Variants in CDKN1A observed in about 807,000 individuals in gnomAD.
CDKN1A encodes cyclin dependent kinase inhibitor 1A.
A neutral mutation model predicts 14.8 loss-of-function variants in CDKN1A; 14 were observed. The observed-to-expected ratio is 0.94, with a 90% CI of 0.62 to 1.48. CDKN1A has a LOEUF of 1.48. Ranked by LOEUF, CDKN1A falls within the 40% of genes most tolerant of loss-of-function variation. The probability of loss-of-function intolerance (pLI) is 0.00; values close to 1 mark genes in which losing one functional copy is unlikely to be tolerated. For synonymous variants in CDKN1A, 92 were observed against 93.5 expected (o/e 0.98, Z 0.09); for missense variants, 203 against 231.7 (o/e 0.88, Z 0.80).
chr6:36,683,383 G>A (rs1276213304), intron 1 of CDKN1A, among the ~76,000 whole-genome samples: 1 of 152,186 alleles, frequency 6.6e-6, no homozygotes. Context: ...GCTCTGTTCT[G>A]TCTGCCTTGC....
upstream of CDKN1A, chr6:36,677,515 A>C (rs1761734760): frequency 9.6e-6 from 2 of 208,746 alleles, no homozygotes; most frequent in Admixed American, 5.8e-5. Flanking sequence ...AAGGAGGCAA[A>C]GGTGAAGTCC....
chr6:36,678,646 T>A, upstream of CDKN1A: 1 of 984,066 alleles, frequency 1.0e-6, no homozygotes, highest in Non-Finnish European at 1.2e-6. This position sits in a 1 kb window ranked among gnomAD's most constrained non-coding sequence, Gnocchi z 5.7. Flanking sequence ...CGAGCGCGGG[T>A]CCCGCCTCCT....
intron 1 of CDKN1A, among the ~76,000 whole-genome samples, chr6:36,682,950 C>A (rs896117411): frequency 6.6e-6 from 1 of 152,230 alleles, no homozygotes; most frequent in African/African-American, 2.4e-5. Flanking sequence ...GAGAAATCAT[C>A]CCTTGCGCTG....
chr6:36,680,064 T>C (rs1761862500), intron 1 of CDKN1A, among the ~76,000 whole-genome samples: 1 of 152,134 alleles, frequency 6.6e-6, no homozygotes, highest in Non-Finnish European at 1.5e-5. Flanking sequence ...TGGGGGACAC[T>C]TGCGCCCTCT....
chr6:36,683,981 T>C, intron 1 of CDKN1A, 116 bp from the exon 2 acceptor site: 3 of 1,005,066 alleles, frequency 3.0e-6, no homozygotes, highest in Non-Finnish European at 4.5e-6. Context: ...CTGGAAGGAG[T>C]GAGAGAGACC....
chr6:36,686,297 G>A lies in CDKN1A; in HGVS notation c.*497G>A. The A allele has an allele frequency of 3.4e-6, 1 of 294,402 alleles. No individual in the cohort carries two copies. The highest frequency in any genetic ancestry group is 5.2e-5 in the East Asian group (1 of 19,298). 18.2% of individuals were successfully genotyped at this position (294,402 alleles called of 1,614,324 possible). ...TTTGAAGGGGCCTCACCGAGTGGGGGCATCATCAAAAACTTTGGAGTCCCC... is the reference window on the plus strand; with the variant it reads ...TTTGAAGGGGCCTCACCGAGTGGGGACATCATCAAAAACTTTGGAGTCCCC... On this transcript the variant is annotated 3_prime_UTR_variant, in exon 3 of 3. Coordinates refer to ENST00000244741, the MANE Select transcript of CDKN1A (RefSeq NM_000389.5). This position sits in a 1 kb window ranked among gnomAD's most constrained non-coding sequence, Gnocchi z 4.9.
chr6:36,683,207 C>T (rs1369879938), intron 1 of CDKN1A, among the ~76,000 whole-genome samples: 1 of 152,212 alleles, frequency 6.6e-6, no homozygotes, highest in Non-Finnish European at 1.5e-5. Flanking sequence ...CATGTCTATC[C>T]TCTGAGACAG....
rs4986867 is a variant in CDKN1A at position 36,684,290 on chromosome 6, C to A, written c.189C>A (p.Phe63Leu). 2.5e-4 allele frequency: 396 copies of A among 1,613,134 alleles called. 3 individuals carry two copies. The African/African-American group carries it at 4.6e-3, about 19-fold the overall frequency. Reference protein sequence around the residue: ...FVTETPLEGDFAWERVRGLGL... With the variant: ...FVTETPLEGDLAWERVRGLGL... ...CCGAGACACCACTGGAGGGTGACTTCGCCTGGGAGCGTGTGCGGGGCCTTG... is the reference window on the plus strand; with the variant it reads ...CCGAGACACCACTGGAGGGTGACTTAGCCTGGGAGCGTGTGCGGGGCCTTG... Residue 63 changes from phenylalanine (F) to leucine (L), a missense_variant, in exon 2 of 3, where the codon TTC (phenylalanine) becomes TTA (leucine). Coordinates refer to ENST00000244741, the MANE Select transcript of CDKN1A (RefSeq NM_000389.5). This position sits in a 1 kb window ranked among gnomAD's most constrained non-coding sequence, Gnocchi z 6.0.
chr6:36,683,698 C>T (rs542059973), intron 1 of CDKN1A, among the ~76,000 whole-genome samples: 3 of 152,032 alleles, frequency 2.0e-5, no homozygotes, highest in African/African-American at 4.8e-5. Flanking sequence ...GCCAGGGCTG[C>T]GATTAGGAAA....
chr6:36,677,811 A>T (rs762624), upstream of CDKN1A: 36 of 1,225,026 alleles, frequency 2.9e-5, no homozygotes, highest in Non-Finnish European at 3.5e-5. Flanking sequence ...TCTGAGCCCC[A>T]GTTTCCCCAG....
chr6:36,681,614 A>AC (rs1762010502), intron 1 of CDKN1A, among the ~76,000 whole-genome samples: 1 of 84,806 alleles, frequency 1.2e-5, no homozygotes, highest in South Asian at 4.2e-4. Flanking sequence ...TTTTTTTGAG[A>AC]TGCGGTCTCG....
In CDKN1A at chr6:36,686,025, G is replaced by A. The variant is rs960959039; in HGVS notation, c.*225G>A. ...AATGAGAGGTTCCTAAGAGTGCTGG[G>A]CATTTTTATTTTATGAAATACTATT... On this transcript the variant is annotated 3_prime_UTR_variant, in exon 3 of 3. Transcript: ENST00000244741. This position sits in a 1 kb window ranked among gnomAD's most constrained non-coding sequence, Gnocchi z 4.9. 3.9e-5 allele frequency: 23 copies of A among 591,394 alleles called. No individual in the cohort carries two copies. The highest frequency in any genetic ancestry group is 1.2e-4 in the South Asian group (6 of 49,968). 36.6% of individuals were successfully genotyped at this position (591,394 alleles called of 1,614,324 possible).
In CDKN1A at chr6:36,684,044, C is replaced by G. The variant is rs941819452; in HGVS notation, c.-5-53C>G. The G allele has an allele frequency of 6.4e-7, 1 of 1,564,272 alleles. No homozygotes were observed. The highest frequency in any genetic ancestry group is 8.7e-7 in the Non-Finnish European group (1 of 1,144,768). ...GACACAGCAAAGCCCGGCCAGGTAA[C>G]ATAGTGTCTAATCTCCGCCGTGACC... is the stretch of plus-strand genomic sequence containing the variant. On this transcript the variant is annotated intron_variant, in intron 1 of 2. Transcript: ENST00000244741. The surrounding 1 kb of genome is among the most constrained non-coding windows in gnomAD (Gnocchi z 6.0).
chr6:36,682,324 A>G (rs571282659), intron 1 of CDKN1A, among the ~76,000 whole-genome samples: 3 of 152,368 alleles, frequency 2.0e-5, no homozygotes, highest in Non-Finnish European at 2.9e-5. Flanking sequence ...ATATAAATAA[A>G]TCCCAACTCA....
In CDKN1A at chr6:36,678,997, G is replaced by C; in HGVS notation, c.-6+199G>C. ...GCTTGCGCACACGGTGTCTCTAAGT[G>C]CGCGGGTGACGAGAGTCGGGATGTG... On this transcript the variant is annotated intron_variant, in intron 1 of 2. Coordinates refer to ENST00000244741, the MANE Select transcript of CDKN1A (RefSeq NM_000389.5). This position sits in a 1 kb window ranked among gnomAD's most constrained non-coding sequence, Gnocchi z 5.7. 1.0e-6 allele frequency: 1 copy of C among 984,920 alleles called. No individual in the cohort carries two copies. The highest frequency in any genetic ancestry group is 1.2e-6 in the Non-Finnish European group (1 of 829,490). 61.0% of individuals were successfully genotyped at this position (984,920 alleles called of 1,614,324 possible).
Position 36,684,044 on chromosome 6 carries a change from C to T in CDKN1A, c.-5-53C>T. ...GACACAGCAAAGCCCGGCCAGGTAA[C>T]ATAGTGTCTAATCTCCGCCGTGACC... On this transcript the variant is annotated intron_variant, in intron 1 of 2. Transcript: ENST00000244741. The surrounding 1 kb of genome is among the most constrained non-coding windows in gnomAD (Gnocchi z 6.0). The T allele has an allele frequency of 1.3e-6, 2 of 1,564,272 alleles. No homozygotes were observed. Among genetic ancestry groups the T allele is most frequent in the Non-Finnish European group, 1.7e-6 (2 of 1,144,768 alleles).
chr6:36,683,352 C>T (rs1762080337), intron 1 of CDKN1A, among the ~76,000 whole-genome samples: 1 of 152,208 alleles, frequency 6.6e-6, no homozygotes, highest in Non-Finnish European at 1.5e-5. Flanking sequence ...GCTTAACCAC[C>T]AGGATACAGC....
At chr6:36,683,871 C>T (rs1364615139) in intron 1 of CDKN1A, among the ~76,000 whole-genome samples, 1 of 152,236 alleles carries the variant, frequency 6.6e-6, no homozygotes, top group African/African-American at 2.4e-5. Context: ...ATTAGCTTGC[C>T]CTTCAGTTGC....
rs1762191242 is a variant in CDKN1A at position 36,685,950 on chromosome 6, G to T, written c.*150G>T. 5.2e-6 allele frequency: 4 copies of T among 765,452 alleles called. No homozygotes were observed. The highest frequency in any genetic ancestry group is 2.9e-5 in the South Asian group (2 of 69,216). 47.4% of individuals were successfully genotyped at this position (765,452 alleles called of 1,614,324 possible). ...CATGTACATACCCTGGCCGCCCCCTGCCCCCCAGCCTCTGGCATTAGAATT... is the reference window on the plus strand; with the variant it reads ...CATGTACATACCCTGGCCGCCCCCTTCCCCCCAGCCTCTGGCATTAGAATT... On this transcript the variant is annotated 3_prime_UTR_variant, in exon 3 of 3. Transcript: ENST00000244741.
Sources: gnomAD v4.1 joint callset for allele counts (sites outside exome capture counted in the v4.1 genomes callset) on GRCh38, gnomAD v4.1.1 for gene constraint, Gnocchi (gnomAD v3.1) non-coding constraint, MANE v1.5 for transcripts, NCBI Gene and HGNC (gene_info 2026-07-23, HGNC 2026-07-21) for gene names.